Variants in HMGN5 observed in about 807,000 individuals in gnomAD.
HMGN5 encodes the protein high mobility group nucleosome-binding domain-containing protein 5.
Under a neutral mutation model 9.5 loss-of-function variants are expected in HMGN5, and 4 were observed. The ratio of observed to expected loss-of-function variants is 0.42; its 90% confidence interval spans 0.21 to 0.96. The LOEUF is 0.96. Ranked by LOEUF, HMGN5 falls within the 40% of genes least tolerant of loss-of-function variation. The probability of loss-of-function intolerance (pLI) is 0.30; values close to 1 mark genes in which losing one functional copy is unlikely to be tolerated. For synonymous variants in HMGN5, 55 were observed against 57.1 expected, an observed-to-expected ratio of 0.96 and a Z score of 0.16; for missense variants, 192 against 187.5, an observed-to-expected ratio of 1.02 and a Z score of -0.14.
chrX:81,188,301 A>C (rs867126130), intron 1 of HMGN5, among the ~76,000 whole-genome samples: 3 of 94,827 alleles, frequency 3.2e-5, no homozygotes, highest in Non-Finnish European at 6.2e-5. Context: ...TATTATTATT[A>C]TTGTTATTGT....
chrX:81,115,869 A>C lies in HMGN5; in HGVS notation c.267+335T>G, dbSNP rs1369060587. 3.6e-5 allele frequency among the ~76,000 whole-genome samples: 4 copies of C among 112,020 alleles called. No homozygotes were observed. The East Asian group carries it at 8.4e-4, about 23-fold the overall frequency. Reference sequence around the variant, plus strand: ...CCACAGAGGAAATAAAAGAATCATAAATTCTGGAAAAGGGATTTACAAATA... The same window carrying C: ...CCACAGAGGAAATAAAAGAATCATACATTCTGGAAAAGGGATTTACAAATA... On this transcript the variant is annotated intron_variant, in intron 6 of 6. Transcript: ENST00000358130.
rs1190741120 is a variant in HMGN5 at position 81,114,611 on chromosome X, G to A, written c.*38C>T. On this transcript the variant is annotated 3_prime_UTR_variant, in exon 7 of 7. Coordinates refer to ENST00000358130, the MANE Select transcript of HMGN5 (RefSeq NM_030763.3). ...TCTCTATTAACTTTACAACATGAAG[G>A]TACATGTTACCAAATTATGAAACTA... 2.9e-6 allele frequency: 3 copies of A among 1,050,419 alleles called. No homozygotes were observed. The highest frequency in any genetic ancestry group is 8.7e-5 in the Admixed American group (2 of 22,991). 86.6% of individuals were successfully genotyped at this position (1,050,419 alleles called of 1,213,427 possible). A position where few individuals can be genotyped will look rare whatever the true frequency, so the allele number is the denominator to read the frequency against.
chrX:81,200,713 G>T (rs1006058400), intron 1 of HMGN5, among the ~76,000 whole-genome samples: 1 of 111,176 alleles, frequency 9.0e-6, no homozygotes, highest in East Asian at 2.8e-4. Context: ...GTCGGGGGGT[G>T]GGGGGCTGGA....
At position 81,121,942 on chromosome X, in the gene HMGN5, C is replaced by G. The variant is rs1345332076; in HGVS notation, c.-123-270G>C. Among the ~76,000 whole-genome samples, 3 of 112,560 alleles carry G rather than the reference C, an allele frequency of 2.7e-5. No individual in the cohort carries two copies. The East Asian group carries it at 8.4e-4, about 32-fold the overall frequency. On this transcript the variant is annotated intron_variant, in intron 1 of 6. Transcript: ENST00000358130. ...AATAAGAACAGCAGGAAAGCCAGAG[C>G]TGACTTGATCAGTTTTTTTTTCTTT...
At chrX:81,139,816 G>T (rs2075323026) in intron 1 of HMGN5, among the ~76,000 whole-genome samples, 1 of 112,225 alleles carries the variant, frequency 8.9e-6, no homozygotes, top group African/African-American at 3.2e-5. Flanking sequence ...AGTCAGAGGG[G>T]AATTGTGGAT....
chrX:81,151,262 A>C (rs2147562059), intron 1 of HMGN5, among the ~76,000 whole-genome samples: 1 of 111,610 alleles, frequency 9.0e-6, no homozygotes, highest in Admixed American at 9.6e-5. Flanking sequence ...AGTTGTAGAT[A>C]TGCGACATTA....
At chrX:81,151,285 C>A (rs971502706) in intron 1 of HMGN5, among the ~76,000 whole-genome samples, 3 of 111,687 alleles carry the variant, frequency 2.7e-5, no homozygotes, top group Non-Finnish European at 3.8e-5. Flanking sequence ...TCTGAGGGCT[C>A]TGTTCTGTTC....
chrX:81,180,760 T>A (rs1450698124), intron 1 of HMGN5, among the ~76,000 whole-genome samples: 1 of 111,836 alleles, frequency 8.9e-6, no homozygotes, highest in Non-Finnish European at 1.9e-5. Context: ...CGTATGTTTA[T>A]TGCAGCACTA....
At chrX:81,176,031 C>G (rs949046823) in intron 1 of HMGN5, among the ~76,000 whole-genome samples, 22 of 111,501 alleles carry the variant, frequency 2.0e-4, no homozygotes, top group African/African-American at 7.2e-4. Flanking sequence ...TAGGGGCCGA[C>G]AGACACCTCA....
intron 1 of HMGN5, among the ~76,000 whole-genome samples, chrX:81,197,341 A>T (rs761965864): frequency 1.8e-5 from 2 of 112,143 alleles, no homozygotes; most frequent in East Asian, 5.6e-4. Flanking sequence ...AGTTGACATG[A>T]TAATGTTTTT....
At chrX:81,166,577 C>T (rs1205392331) in intron 1 of HMGN5, among the ~76,000 whole-genome samples, 1 of 111,020 alleles carries the variant, frequency 9.0e-6, no homozygotes, top group Non-Finnish European at 1.9e-5. Context: ...CAGTGGAAAA[C>T]AAAAGTTTCT....
intron 1 of HMGN5, among the ~76,000 whole-genome samples, chrX:81,128,514 T>C (rs952465762): frequency 9.0e-6 from 1 of 111,473 alleles, no homozygotes; most frequent in Non-Finnish European, 1.9e-5. Context: ...AGACACATGA[T>C]CAATTCATGT....
intron 1 of HMGN5, among the ~76,000 whole-genome samples, chrX:81,146,905 G>T (rs954347882): frequency 1.8e-5 from 2 of 111,727 alleles, no homozygotes; most frequent in Non-Finnish European, 3.8e-5. Flanking sequence ...TAGAAGAAAT[G>T]GATAAGTTCC....
chrX:81,170,564 A>T (rs2075423514), intron 1 of HMGN5, among the ~76,000 whole-genome samples: 2 of 111,677 alleles, frequency 1.8e-5, no homozygotes, highest in Admixed American at 9.5e-5. Flanking sequence ...TTATAAAACT[A>T]TAAGTGGGTG....
At chrX:81,124,142 G>A (rs932797746) in intron 1 of HMGN5, among the ~76,000 whole-genome samples, 8 of 112,096 alleles carry the variant, frequency 7.1e-5, no homozygotes, top group African/African-American at 2.6e-4. Context: ...AGGCTAACGT[G>A]TTGCAACTGT....
At chrX:81,166,756 G>A (rs183348760) in intron 1 of HMGN5, among the ~76,000 whole-genome samples, 206 of 111,308 alleles carry the variant, frequency 1.9e-3, no homozygotes, top group African/African-American at 6.1e-3. Context: ...CTATAGAAAA[G>A]CACTAGTTCC....
At chrX:81,124,418 CCT>C (rs1320422469) in intron 1 of HMGN5, among the ~76,000 whole-genome samples, 2 of 112,340 alleles carry the variant, frequency 1.8e-5, no homozygotes, top group Non-Finnish European at 3.8e-5. Context: ...CCAAATATCA[CCT>C]CTTTGACAAA....
chrX:81,193,034 A>T (rs924647731), intron 1 of HMGN5, among the ~76,000 whole-genome samples: 1 of 111,773 alleles, frequency 8.9e-6, no homozygotes, highest in Non-Finnish European at 1.9e-5. Context: ...GAGGCTCCAG[A>T]TGATGCTATC....
At chrX:81,160,831 C>G (rs1251685331) in intron 1 of HMGN5, among the ~76,000 whole-genome samples, 1 of 111,153 alleles carries the variant, frequency 9.0e-6, no homozygotes, top group Non-Finnish European at 1.9e-5. Context: ...TGTGTGCAGA[C>G]TTTTTGAGTG....
Sources: gnomAD v4.1 joint callset for allele counts (sites outside exome capture counted in the v4.1 genomes callset) on GRCh38, gnomAD v4.1.1 for gene constraint, MANE v1.5 for transcripts, NCBI Gene and HGNC (gene_info 2026-07-23, HGNC 2026-07-21) for gene names.